Variants in DHX30 observed in about 807,000 individuals in gnomAD.
The protein encoded by DHX30 is ATP-dependent RNA helicase DHX30.
A neutral mutation model predicts 116.9 loss-of-function variants in DHX30; 4 were observed. The observed-to-expected ratio is 0.03, with a 90% confidence interval of 0.02 to 0.08. The LOEUF (loss-of-function observed/expected upper bound fraction) is 0.08, where lower values mean the gene tolerates loss of function less well. Ranked by LOEUF, DHX30 falls within the 10% of genes least tolerant of loss-of-function variation. The pLI is 1.00. For synonymous variants in DHX30, 697 were observed against 651.7 expected, an observed-to-expected ratio of 1.07 and a Z score of -1.06; for missense variants, 871 against 1,595.1, an observed-to-expected ratio of 0.55 and a Z score of 7.73.
chr3:47,843,362 G>A, intron 9 of DHX30, 107 bp downstream of exon 9: 4 of 1,459,160 alleles, frequency 2.7e-6, no homozygotes, highest in Non-Finnish European at 2.8e-6. Flanking sequence ...ACCACAGCAG[G>A]CCTTTTGCCT....
At chr3:47,830,455 AAAT>A (rs1381628561) in intron 6 of DHX30, among the ~76,000 whole-genome samples, 1 of 151,956 alleles carries the variant, frequency 6.6e-6, no homozygotes, top group Non-Finnish European at 1.5e-5. Context: ...CACAAAAAAA[AAAT>A]AATAATAAAT....
chr3:47,803,255 G>A (rs2035366603), intron 1 of DHX30, 43 bp downstream of exon 1: 2 of 391,914 alleles, frequency 5.1e-6, no homozygotes, highest in East Asian at 3.6e-5. Context: ...CCCTCTTGAG[G>A]AGCCTGCCGC....
At chr3:47,839,042 T>A (rs942698801) in intron 6 of DHX30, among the ~76,000 whole-genome samples, 3 of 151,896 alleles carry the variant, frequency 2.0e-5, no homozygotes, top group Non-Finnish European at 2.9e-5. Flanking sequence ...CCTGGCTAAC[T>A]GCCTCTTATA....
Position 47,847,158 on chromosome 3 carries a change from C to T in DHX30, c.1930-115C>T, listed in dbSNP as rs762465516. On this transcript the variant is annotated intron_variant, in intron 11 of 21. Transcript: ENST00000445061. The surrounding 1 kb of genome is among the most constrained non-coding windows in gnomAD (Gnocchi z 5.5). ...GGACTAACCCTGCCTGCGTGGCACA[C>T]GTGAGGATTGGAGTTGATGTCAAGC... 26 of 1,489,792 alleles carry T rather than the reference C, an allele frequency of 1.7e-5. No homozygotes were observed. The highest frequency in any genetic ancestry group is 2.3e-5 in the Non-Finnish European group (25 of 1,075,016). 92.3% of individuals were successfully genotyped at this position (1,489,792 alleles called of 1,614,324 possible).
intron 3 of DHX30, chr3:47,816,921 A>T (rs1422436395): frequency 9.5e-5 from 94 of 985,052 alleles, no homozygotes; most frequent in Non-Finnish European, 9.5e-5. Context: ...TTTTAATAAA[A>T]AAAAAAATAG....
intron 2 of DHX30, 96 bp from the exon 3 acceptor site, chr3:47,810,561 T>C: frequency 9.8e-7 from 1 of 1,021,210 alleles, no homozygotes; most frequent in Non-Finnish European, 1.5e-6. Context: ...ATTTTTTTCA[T>C]TTTCTGAACA....
chr3:47,844,272 C>G (rs2037501873), intron 9 of DHX30, among the ~76,000 whole-genome samples: 1 of 152,170 alleles, frequency 6.6e-6, no homozygotes, highest in South Asian at 2.1e-4. Flanking sequence ...GAAGAGGGGA[C>G]AGGCAATTGG....
intron 2 of DHX30, among the ~76,000 whole-genome samples, chr3:47,808,222 T>G (rs900056608): frequency 6.6e-5 from 10 of 151,826 alleles, no homozygotes; most frequent in African/African-American, 2.4e-4. Flanking sequence ...CTTTTTGTTT[T>G]TTTTTTTTAA....
chr3:47,814,948 T>C (rs1043741414), intron 3 of DHX30, among the ~76,000 whole-genome samples: 2 of 151,906 alleles, frequency 1.3e-5, no homozygotes, highest in African/African-American at 2.4e-5. Flanking sequence ...GTTCTCAAAC[T>C]CCTGGCTTCA....
At chr3:47,805,715 AT>A (rs2035484715) in intron 2 of DHX30, among the ~76,000 whole-genome samples, 1 of 151,812 alleles carries the variant, frequency 6.6e-6, no homozygotes, top group Non-Finnish European at 1.5e-5. Flanking sequence ...ATTGTTTTGT[AT>A]TTTTAGTAGA....
chr3:47,814,808 C>T (rs1248853707), intron 3 of DHX30, among the ~76,000 whole-genome samples: 3 of 152,114 alleles, frequency 2.0e-5, no homozygotes, highest in African/African-American at 7.2e-5. Context: ...GTGTGAACCA[C>T]CACGCCCGGC....
intron 1 of DHX30, 101 bp downstream of exon 1, chr3:47,803,313 C>T: frequency 2.6e-6 from 1 of 386,526 alleles, no homozygotes. Flanking sequence ...GACCGCCAGC[C>T]TGGCGGAGAG....
In DHX30 at chr3:47,847,799, T is replaced by C; in HGVS notation, c.2129T>C (p.Met710Thr). ...LILPVHSNIP[M>T]MDQKAIFQQP... is the part of the protein sequence containing the mutation. ...CCACCAGTGCACTCCAACATCCCCA[T>C]GATGGATCAGAAGGCCATATTCCAG... The change falls in exon 14 of 22, where the codon ATG becomes ACG. Residue 710 changes from methionine (M) to threonine (T), a missense_variant. Transcript: ENST00000445061. This position sits in a 1 kb window ranked among gnomAD's most constrained non-coding sequence, Gnocchi z 5.5. The C allele has an allele frequency of 6.2e-7, 1 of 1,614,000 alleles. No individual in the cohort carries two copies. Among genetic ancestry groups the C allele is most frequent in the Non-Finnish European group, 8.5e-7 (1 of 1,179,932 alleles).
At chr3:47,804,717 T>A (rs1363476436) in intron 1 of DHX30, among the ~76,000 whole-genome samples, 1 of 152,192 alleles carries the variant, frequency 6.6e-6, no homozygotes, top group Non-Finnish European at 1.5e-5. Context: ...ATTAGCCTAG[T>A]ATAAGCATGG....
At chr3:47,827,681 A>G (rs1233353998) in intron 5 of DHX30, among the ~76,000 whole-genome samples, 1 of 152,142 alleles carries the variant, frequency 6.6e-6, no homozygotes, top group Non-Finnish European at 1.5e-5. Flanking sequence ...CACAGGGCAA[A>G]TGAGGTGCCA....
At chr3:47,812,757 G>A (rs1161266913) in intron 3 of DHX30, among the ~76,000 whole-genome samples, 1 of 149,142 alleles carries the variant, frequency 6.7e-6, no homozygotes, top group Non-Finnish European at 1.5e-5. Context: ...TCTGCCTCCC[G>A]GGTTCAAGCA....
At position 47,846,643 on chromosome 3, in the gene DHX30, A is replaced by G; in HGVS notation, c.1571A>G (p.Lys524Arg). 2.5e-6 allele frequency: 4 copies of G among 1,614,024 alleles called. No individual in the cohort carries two copies. In the South Asian group the frequency reaches 4.4e-5, roughly 18 times the overall value. ...GGCTTCCAGGTGCGGTTGGAAAGTA[A>G]GCCCCCATCCCGAGGCGGGGCCCTG... is the stretch of plus-strand genomic sequence containing the variant. Reference protein sequence around the residue: ...NVGFQVRLESKPPSRGGALLF... With the variant: ...NVGFQVRLESRPPSRGGALLF... The change falls in exon 11 of 22, where the codon AAG (lysine) becomes AGG (arginine). Residue 524 changes from lysine (K) to arginine (R), a missense_variant. Physicochemically the swap from Lys to Arg is conservative, Grantham distance 26. Coordinates refer to ENST00000445061, the MANE Select transcript of DHX30 (RefSeq NM_138615.3).
intron 2 of DHX30, 121 bp downstream of exon 2, chr3:47,805,541 ATTTTG>A: frequency 2.6e-6 from 1 of 392,116 alleles, no homozygotes; most frequent in Non-Finnish European, 4.5e-6. Flanking sequence ...CATTTATTTT[ATTTTG>A]TTTTATTTTT....
rs372444136 is a variant in DHX30 at position 47,827,484 on chromosome 3, C to G, written c.255+7C>G. ...AAATGGACCGAAGAAAAAGGTAACT[C>G]TGCTGGTGGCAAGGAAAAACATTGG... On this transcript the variant is annotated splice_region_variant and intron_variant, in intron 5 of 21. Transcript: ENST00000445061. 5.6e-5 allele frequency: 90 copies of G among 1,606,992 alleles called. No homozygotes were observed. The highest frequency in any genetic ancestry group is 8.1e-5 in the African/African-American group (6 of 74,444).
Sources: gnomAD v4.1 joint callset for allele counts (sites outside exome capture counted in the v4.1 genomes callset) on GRCh38, gnomAD v4.1.1 for gene constraint, Gnocchi (gnomAD v3.1) non-coding constraint, MANE v1.5 for transcripts, NCBI Gene and HGNC (gene_info 2026-07-23, HGNC 2026-07-21) for gene names.